LDLRAD4: variants seen among roughly 807,000 people sequenced by gnomAD.
The protein encoded by LDLRAD4 is low-density lipoprotein receptor class A domain-containing protein 4.
In LDLRAD4, 5 loss-of-function variants were observed where a neutral mutation model predicts 17.0. That is an observed-to-expected ratio of 0.29 (90% CI 0.15 to 0.62). The LOEUF (loss-of-function observed/expected upper bound fraction) is 0.62, where lower values mean the gene tolerates loss of function less well. LDLRAD4 is among the 20% of genes least tolerant of loss of function. The pLI is 0.84. For missense variants in LDLRAD4, 340 were observed against 424.7 expected, an observed-to-expected ratio of 0.80 and a Z score of 1.75; for synonymous variants, 168 against 171.8, an observed-to-expected ratio of 0.98 and a Z score of 0.17.
At chr18:13,407,411 G>A (rs568031706) in intron 2 of LDLRAD4, among the ~76,000 whole-genome samples, 62 of 152,324 alleles carry the variant, frequency 4.1e-4, no homozygotes, top group African/African-American at 1.4e-3. Context: ...GTGCTTAGGC[G>A]CTATGTTAGC....
At chr18:13,435,053 C>T (rs1426735508) in intron 2 of LDLRAD4, among the ~76,000 whole-genome samples, 1 of 152,220 alleles carries the variant, frequency 6.6e-6, no homozygotes, top group Non-Finnish European at 1.5e-5. Flanking sequence ...GAGGGCCTTT[C>T]TCCTAGGGTT....
chr18:13,619,497 TG>T (rs1291335807), intron 3 of LDLRAD4, among the ~76,000 whole-genome samples: 3 of 2,038 alleles, frequency 1.5e-3, no homozygotes, highest in Non-Finnish European at 2.1e-3. Context: ...TGTGTGTGTG[TG>T]GGTGGGGGGG....
In LDLRAD4 at chr18:13,619,207, G is replaced by A. The variant is rs547696058; in HGVS notation, c.182-1910G>A. 3.2e-4 allele frequency among the ~76,000 whole-genome samples: 49 copies of A among 152,282 alleles called. 1 individual carries two copies. The highest frequency in any genetic ancestry group is 2.7e-3 in the Admixed American group (41 of 15,300). On this transcript the variant is annotated intron_variant, in intron 3 of 5. Transcript: ENST00000359446. ...GGGCTCCGGACTCAGCCTGGGAGACGTCACATGGTGTGTGGGGGTAGGGTC... is the reference window on the plus strand; with the variant it reads ...GGGCTCCGGACTCAGCCTGGGAGACATCACATGGTGTGTGGGGGTAGGGTC...
chr18:13,527,763 G>A (rs989147080), intron 3 of LDLRAD4, among the ~76,000 whole-genome samples: 4 of 152,182 alleles, frequency 2.6e-5, no homozygotes, highest in African/African-American at 9.7e-5. Flanking sequence ...AAATTGGTGG[G>A]TGAAAGGAAT....
chr18:13,431,282 A>C lies in LDLRAD4; in HGVS notation c.41-6962A>C, dbSNP rs570453440. On this transcript the variant is annotated intron_variant, in intron 2 of 5. Transcript: ENST00000359446. ...TTATTGATATTTCTGTTCTTCCAAG[A>C]GTTTGAAAGGGGGTTCTTACCTACT... 5.3e-5 allele frequency among the ~76,000 whole-genome samples: 8 copies of C among 152,316 alleles called. No individual in the cohort carries two copies. The South Asian group carries it at 1.7e-3, about 32-fold the overall frequency.
intron 2 of LDLRAD4, among the ~76,000 whole-genome samples, chr18:13,416,403 G>A (rs924572958): frequency 2.0e-5 from 3 of 152,266 alleles, no homozygotes; most frequent in African/African-American, 7.2e-5. Flanking sequence ...ACAATAACAG[G>A]AACTTTGTGT....
intron 1 of LDLRAD4, among the ~76,000 whole-genome samples, chr18:13,330,146 A>G (rs145762525): frequency 0.035 from 5,271 of 152,096 alleles, 129 homozygotes; most frequent in Non-Finnish European, 0.051. Flanking sequence ...TTTTTAGTAG[A>G]GATGGGGTTT....
At chr18:13,224,674 G>A (rs956329650) in intron 1 of LDLRAD4, among the ~76,000 whole-genome samples, 6 of 151,506 alleles carry the variant, frequency 4.0e-5, no homozygotes, top group African/African-American at 1.2e-4. Context: ...TAGAGACGGG[G>A]TTTCAGCGTG....
chr18:13,296,249 T>C lies in LDLRAD4; in HGVS notation c.-383+18061T>C, dbSNP rs148137266. ...ATCAGACCGGGCTGTGATTCTTCTG[T>C]ATAAGCTTGTGAGATGTTTTAGGGT... On this transcript the variant is annotated intron_variant, in intron 1 of 5. Transcript: ENST00000359446. Among the ~76,000 whole-genome samples the C allele has an allele frequency of 6.9e-3, 1,050 of 152,356 alleles. 13 individuals carry two copies. The highest frequency in any genetic ancestry group is 0.024 in the African/African-American group (993 of 41,582).
intron 2 of LDLRAD4, among the ~76,000 whole-genome samples, chr18:13,409,300 G>A (rs2145664018): frequency 6.6e-6 from 1 of 152,340 alleles, no homozygotes; most frequent in Non-Finnish European, 1.5e-5. Flanking sequence ...TCCCCTCCCA[G>A]GGAAGGGGGA....
At chr18:13,478,336 T>G (rs1490575676) in intron 3 of LDLRAD4, among the ~76,000 whole-genome samples, 1 of 152,248 alleles carries the variant, frequency 6.6e-6, no homozygotes, top group Non-Finnish European at 1.5e-5. Flanking sequence ...AGGTCAGGAT[T>G]AACAGTTGGT....
chr18:13,484,014 A>T (rs555351889), intron 3 of LDLRAD4: 1 of 152,214 alleles, frequency 6.6e-6, no homozygotes, highest in Non-Finnish European at 1.5e-5. Flanking sequence ...TGAGATGTCT[A>T]TGTTCTCTTT....
At chr18:13,605,297 A>G (rs532434705) in intron 3 of LDLRAD4, among the ~76,000 whole-genome samples, 15 of 152,180 alleles carry the variant, frequency 9.9e-5, no homozygotes, top group African/African-American at 3.6e-4. Context: ...AGCTCACTGC[A>G]CTCTCGACCT....
At chr18:13,257,074 G>A (rs951634921) in intron 1 of LDLRAD4, among the ~76,000 whole-genome samples, 1 of 152,222 alleles carries the variant, frequency 6.6e-6, no homozygotes, top group Non-Finnish European at 1.5e-5. Flanking sequence ...CTGTTTATGA[G>A]CTGTCACAAA....
intron 3 of LDLRAD4, among the ~76,000 whole-genome samples, chr18:13,538,670 G>A (rs1312451873): frequency 6.6e-6 from 1 of 152,126 alleles, no homozygotes; most frequent in East Asian, 1.9e-4. Context: ...GACTACAGGT[G>A]TATGCCAGTA....
At chr18:13,548,754 G>A (rs780355593) in intron 3 of LDLRAD4, among the ~76,000 whole-genome samples, 1 of 152,318 alleles carries the variant, frequency 6.6e-6, no homozygotes, top group East Asian at 1.9e-4. Flanking sequence ...CACCAACTTG[G>A]AAAGGGTTAG....
intron 2 of LDLRAD4, among the ~76,000 whole-genome samples, chr18:13,397,036 C>A (rs1344743530): frequency 6.6e-6 from 1 of 152,236 alleles, no homozygotes; most frequent in Admixed American, 6.5e-5. Context: ...TGGGGGTGTG[C>A]CCATTTCACA....
intron 1 of LDLRAD4, among the ~76,000 whole-genome samples, chr18:13,328,920 T>C (rs1330318790): frequency 6.6e-6 from 1 of 152,214 alleles, no homozygotes; most frequent in Non-Finnish European, 1.5e-5. Flanking sequence ...ATGTATAAGT[T>C]GTGGAGTCTA....
chr18:13,272,268 G>T lies in LDLRAD4; in HGVS notation c.-466-5837G>T, dbSNP rs149264460. On this transcript the variant is annotated intron_variant, in intron 1 of 5. Transcript: ENST00000399848. ...CGGGGTCTGGGTTGCCTTGGTCCAG[G>T]TAGAAATCCCCTAGAGGGTTGTCGT... 5.8e-4 allele frequency among the ~76,000 whole-genome samples: 88 copies of T among 152,286 alleles called. 1 individual carries two copies. The highest frequency in any genetic ancestry group is 2.0e-3 in the African/African-American group (84 of 41,570).
Sources: gnomAD v4.1 joint callset for allele counts (sites outside exome capture counted in the v4.1 genomes callset) on GRCh38, gnomAD v4.1.1 for gene constraint, MANE v1.5 for transcripts, NCBI Gene and HGNC (gene_info 2026-07-23, HGNC 2026-07-21) for gene names.